AK5: variants seen among roughly 807,000 people sequenced by gnomAD.
The protein encoded by AK5 is adenylate kinase 5, also known as adenylate kinase isoenzyme 5.
In AK5, 27 loss-of-function variants were observed where a neutral mutation model predicts 69.5. That is an observed-to-expected ratio of 0.39 (90% CI 0.29 to 0.54). The LOEUF (loss-of-function observed/expected upper bound fraction) is 0.54. Ranked by LOEUF, AK5 falls within the 20% of genes least tolerant of loss-of-function variation. AK5 has a pLI of 0.71. For missense variants in AK5, 531 were observed against 700.4 expected (o/e 0.76, Z 2.73); for synonymous variants, 260 against 244.4 (o/e 1.06, Z -0.60).
At chr1:77,369,370 C>CA (rs759024547) in intron 6 of AK5, among the ~76,000 whole-genome samples, 53 of 152,196 alleles carry the variant, frequency 3.5e-4, no homozygotes, top group Admixed American at 1.2e-3. Flanking sequence ...AAATATCAAA[C>CA]ATTTTAGAGA....
chr1:77,557,454 G>A (rs944655835), intron 13 of AK5: 1 of 155,748 alleles, frequency 6.4e-6, no homozygotes, highest in African/African-American at 2.4e-5. Flanking sequence ...TTTACTTTCT[G>A]TAGATGATAC....
chr1:77,391,483 A>G (rs4245657), intron 6 of AK5, among the ~76,000 whole-genome samples: 35,318 of 89,730 alleles, frequency 0.39, 7,741 homozygotes, highest in Non-Finnish European at 0.48. Context: ...GTGTGTGTGT[A>G]TGTGTGTGTG....
chr1:77,292,013 G>A (rs1658714050), intron 2 of AK5, among the ~76,000 whole-genome samples: 1 of 152,176 alleles, frequency 6.6e-6, no homozygotes, highest in East Asian at 1.9e-4. Context: ...TGATTGTGGT[G>A]GCAAGCATGG....
At chr1:77,551,800 A>G (rs141828037) in intron 13 of AK5, among the ~76,000 whole-genome samples, 4 of 152,324 alleles carry the variant, frequency 2.6e-5, no homozygotes, top group East Asian at 3.9e-4. Flanking sequence ...GTTCATTTCT[A>G]TGAGGAAAGA....
rs866557444 is a variant in AK5 at position 77,367,608 on chromosome 1, G to A, written c.891+27040G>A. ...TATATGTTATATATGTAATATATAT[G>A]TAATATATATGTTATATATGTAATA... is the stretch of plus-strand genomic sequence containing the variant. On this transcript the variant is annotated intron_variant, in intron 6 of 13. Transcript: ENST00000354567. Among the ~76,000 whole-genome samples, 359 of 69,828 alleles carry A rather than the reference G, an allele frequency of 5.1e-3. 7 individuals are homozygous for A. Among genetic ancestry groups the A allele is most frequent in the Middle Eastern group, 0.021 (2 of 96 alleles). 45.8% of individuals were successfully genotyped at this position (69,828 alleles called of 152,430 possible). A position where few individuals can be genotyped will look rare whatever the true frequency, so the allele number is the denominator to read the frequency against.
At chr1:77,433,518 A>G (rs1380174212) in intron 8 of AK5, among the ~76,000 whole-genome samples, 1 of 149,340 alleles carries the variant, frequency 6.7e-6, no homozygotes, top group East Asian at 1.9e-4. Flanking sequence ...TTGTGATAAA[A>G]CCAATGTTTC....
At chr1:77,306,751 AT>A (rs1170377893) in intron 5 of AK5, among the ~76,000 whole-genome samples, 1 of 151,830 alleles carries the variant, frequency 6.6e-6, no homozygotes, top group Non-Finnish European at 1.5e-5. Context: ...TAACTGGGAG[AT>A]TTTTTATTGC....
rs143177698 is a variant in AK5, at chr1:77,308,352, A to G, written c.699+10405A>G. 2.3e-3 allele frequency among the ~76,000 whole-genome samples: 340 copies of G among 149,950 alleles called. 1 individual carries two copies. The highest frequency in any genetic ancestry group is 7.8e-3 in the African/African-American group (321 of 40,950). ...CTGGCCCTACTTCTTGGCTTTGTAT[A>G]GTAGTTTCTCCAGGAGATGGAGCTT... On this transcript the variant is annotated intron_variant, in intron 5 of 13. Coordinates refer to ENST00000354567, the MANE Select transcript of AK5 (RefSeq NM_174858.3).
intron 8 of AK5, among the ~76,000 whole-genome samples, chr1:77,479,704 C>T (rs1655145849): frequency 1.3e-5 from 2 of 152,142 alleles, no homozygotes; most frequent in South Asian, 4.1e-4. Flanking sequence ...CTTCATGTAC[C>T]TCAAAACCTA....
chr1:77,492,642 G>A (rs138051598), intron 10 of AK5, among the ~76,000 whole-genome samples: 1 of 152,350 alleles, frequency 6.6e-6, no homozygotes, highest in East Asian at 1.9e-4. Context: ...ATGTCAGGGG[G>A]AAAATAGCGC....
intron 6 of AK5, chr1:77,340,894 C>T (rs1661621558): frequency 4.9e-6 from 1 of 202,242 alleles, no homozygotes; most frequent in Admixed American, 5.4e-5. Flanking sequence ...AGTCTCTCCA[C>T]TCTTTTGTCT....
At chr1:77,525,465 G>A (rs1570310454) in intron 12 of AK5, among the ~76,000 whole-genome samples, 1 of 152,220 alleles carries the variant, frequency 6.6e-6, no homozygotes, top group East Asian at 1.9e-4. Flanking sequence ...TGAGGCCTCA[G>A]GAAGCTTCCA....
At chr1:77,485,134 C>T (rs1557627128) in intron 9 of AK5, among the ~76,000 whole-genome samples, 1 of 152,238 alleles carries the variant, frequency 6.6e-6, no homozygotes, top group Non-Finnish European at 1.5e-5. Flanking sequence ...TAATAGAAAA[C>T]TCCAAACAAT....
At chr1:77,368,302 A>AATATATATGTT (rs1647053953) in intron 6 of AK5, among the ~76,000 whole-genome samples, 1 of 98,198 alleles carries the variant, frequency 1.0e-5, no homozygotes, top group African/African-American at 3.8e-5. Flanking sequence ...TGTTATATAT[A>AATATATATGTT]ATATATATGT....
intron 6 of AK5, chr1:77,371,308 G>A (rs1647118505): frequency 6.6e-6 from 1 of 152,230 alleles, no homozygotes. Flanking sequence ...CCAGGAGCTG[G>A]TTATCTAGTC....
intron 8 of AK5, among the ~76,000 whole-genome samples, chr1:77,455,531 A>G (rs1653425222): frequency 1.3e-5 from 2 of 152,206 alleles, no homozygotes. Flanking sequence ...AGAAGGCATC[A>G]TCTATGAACA....
At chr1:77,313,829 A>G in intron 5 of AK5, 1 of 533,172 alleles carries the variant, frequency 1.9e-6, no homozygotes, top group Non-Finnish European at 3.8e-6. Flanking sequence ...ATGCCTGTGC[A>G]GTCAGATCCT....
At chr1:77,349,926 T>C (rs1557517865) in intron 6 of AK5, among the ~76,000 whole-genome samples, 1 of 152,226 alleles carries the variant, frequency 6.6e-6, no homozygotes, top group East Asian at 1.9e-4. Context: ...ATAGTCCTTT[T>C]ATAGTCATTC....
intron 10 of AK5, among the ~76,000 whole-genome samples, chr1:77,512,988 C>T (rs1231937240): frequency 6.6e-6 from 1 of 152,062 alleles, no homozygotes; most frequent in East Asian, 1.9e-4. Flanking sequence ...TGATTATTTC[C>T]CCCCATTTTA....
Sources: allele counts gnomAD v4.1 joint callset (sites outside exome capture counted in the v4.1 genomes callset), GRCh38; gene constraint gnomAD v4.1.1; transcripts MANE v1.5; gene names NCBI Gene and HGNC (gene_info 2026-07-23, HGNC 2026-07-21).